The following VAV2 variants were observed in gnomAD, a reference collection of about 807,000 sequenced individuals.
VAV2 encodes vav guanine nucleotide exchange factor 2, also known as guanine nucleotide exchange factor VAV2.
Under a neutral mutation model 132.5 loss-of-function variants are expected in VAV2, and 67 were observed. The observed-to-expected ratio is 0.51, with a 90% CI of 0.42 to 0.62. The LOEUF is 0.62. Among genes scored for constraint, VAV2 ranks in the 20% least tolerant of loss-of-function variants. VAV2 has a pLI of 0.00. For missense variants in VAV2, 938 were observed against 1,153.6 expected (o/e 0.81, Z 2.71); for synonymous variants, 492 against 443.5 (o/e 1.11, Z -1.37).
At chr9:133,917,593 G>T (rs1840143824) in intron 2 of VAV2, among the ~76,000 whole-genome samples, 1 of 152,184 alleles carries the variant, frequency 6.6e-6, no homozygotes, top group South Asian at 2.1e-4. Flanking sequence ...CCATGCAGTT[G>T]GGACTTTGCC....
At chr9:133,869,074 G>A (rs1837922391) in intron 2 of VAV2, among the ~76,000 whole-genome samples, 4 of 151,304 alleles carry the variant, frequency 2.6e-5, no homozygotes, top group Admixed American at 1.3e-4. Flanking sequence ...TCCGCCCGCT[G>A]CAACCTCTGC....
Position 133,774,964 on chromosome 9 carries a change from G to A in VAV2, c.2106C>T (p.Ala702=), listed in dbSNP as rs751229895. ...SGTYLIRERP[A]EAERFAISIK... ...TGCTTATTGCAAAGCGCTCAGCCTC[G>A]GCAGGCCGCTCCCTGATCAGGTAGG... The change falls in exon 25 of 30, where the codon GCC becomes GCT. Residue 702 remains alanine, a synonymous_variant. Coordinates refer to ENST00000371850, the MANE Select transcript of VAV2 (RefSeq NM_001134398.2). 7.3e-5 allele frequency: 117 copies of A among 1,613,206 alleles called. 1 individual carries two copies. The highest frequency in any genetic ancestry group is 1.7e-4 in the Admixed American group (10 of 59,978).
Position 133,867,857 on chromosome 9 carries a change from C to T in VAV2, c.322-6425G>A, listed in dbSNP as rs115553037. On this transcript the variant is annotated intron_variant, in intron 2 of 29. Transcript: ENST00000371850. ...CAGTGTGGGGCGGTCCACCTGGCGCCGGCTCAGCTGAGTGCTGGGCTCACA... is the reference window on the plus strand; with the variant it reads ...CAGTGTGGGGCGGTCCACCTGGCGCTGGCTCAGCTGAGTGCTGGGCTCACA... 6.2e-3 allele frequency among the ~76,000 whole-genome samples: 939 copies of T among 152,330 alleles called. 10 individuals are homozygous for T. Among genetic ancestry groups the T allele is most frequent in the African/African-American group, 0.021 (892 of 41,580 alleles).
At chr9:133,808,096 C>T (rs1321301029) in intron 7 of VAV2, among the ~76,000 whole-genome samples, 1 of 152,262 alleles carries the variant, frequency 6.6e-6, no homozygotes, top group East Asian at 1.9e-4. Flanking sequence ...CTCCTGCTTT[C>T]TGCAGCAGCA....
intron 1 of VAV2, among the ~76,000 whole-genome samples, chr9:133,977,801 G>A (rs919053769): frequency 5.3e-5 from 8 of 152,350 alleles, no homozygotes; most frequent in East Asian, 1.9e-4. Context: ...CTCAAAACTC[G>A]GGGGAGCAGC....
chr9:133,843,162 G>A (rs893823974), intron 3 of VAV2, among the ~76,000 whole-genome samples: 5 of 152,256 alleles, frequency 3.3e-5, no homozygotes, highest in Admixed American at 6.5e-5. Context: ...CACCCGGCTC[G>A]GGGATGGCAG....
chr9:133,898,406 T>C (rs1016691986), intron 2 of VAV2, among the ~76,000 whole-genome samples: 1 of 150,790 alleles, frequency 6.6e-6, no homozygotes, highest in Non-Finnish European at 1.5e-5. Flanking sequence ...CTGGCCAACA[T>C]GGCAAAACCT....
chr9:133,768,756 C>A lies in VAV2; in HGVS notation c.2435-160G>T, dbSNP rs563193995. Among the ~76,000 whole-genome samples the A allele has an allele frequency of 1.3e-5, 2 of 152,150 alleles. No individual in the cohort carries two copies. The highest frequency in any genetic ancestry group is 4.1e-4 in the South Asian group (2 of 4,822). On this transcript the variant is annotated intron_variant, in intron 28 of 29. Transcript: ENST00000371850. This position sits in a 1 kb window ranked among gnomAD's most constrained non-coding sequence, Gnocchi z 5.3. ...AGCAGAAAGGCTCTGGAGGGACACACTGGCCTCCAATCCCAGGGCCCCTTG... is the reference window on the plus strand; with the variant it reads ...AGCAGAAAGGCTCTGGAGGGACACAATGGCCTCCAATCCCAGGGCCCCTTG...
chr9:133,928,620 C>T lies in VAV2; in HGVS notation c.321+10483G>A, dbSNP rs1270593318. On this transcript the variant is annotated intron_variant, in intron 2 of 29. Transcript: ENST00000371850. This position sits in a 1 kb window ranked among gnomAD's most constrained non-coding sequence, Gnocchi z 5.4. ...CACTCAGCAAATTAATGAACAAATA[C>T]GAAGAGGAAATGAACAAACACATGC... 6.6e-5 allele frequency among the ~76,000 whole-genome samples: 10 copies of T among 152,142 alleles called. No individual in the cohort carries two copies. Among genetic ancestry groups the T allele is most frequent in the South Asian group, 2.1e-4 (1 of 4,828 alleles).
intron 2 of VAV2, among the ~76,000 whole-genome samples, chr9:133,880,158 T>C (rs865803109): frequency 6.6e-6 from 1 of 152,162 alleles, no homozygotes; most frequent in African/African-American, 2.4e-5. Flanking sequence ...TAGGCATCCC[T>C]CCACCAGCCC....
chr9:133,839,402 G>A (rs1385899451), intron 3 of VAV2, among the ~76,000 whole-genome samples: 1 of 152,056 alleles, frequency 6.6e-6, no homozygotes, highest in Non-Finnish European at 1.5e-5. Flanking sequence ...GATATTCTCA[G>A]GCTGCTCTTA....
chr9:133,991,287 T>C lies in VAV2; in HGVS notation c.204+788A>G, dbSNP rs911659355. 6.6e-6 allele frequency among the ~76,000 whole-genome samples: 1 copy of C among 151,996 alleles called. No homozygotes were observed. Among genetic ancestry groups the C allele is most frequent in the Non-Finnish European group, 1.5e-5 (1 of 68,014 alleles). On this transcript the variant is annotated intron_variant, in intron 1 of 29. Coordinates refer to ENST00000371850, the MANE Select transcript of VAV2 (RefSeq NM_001134398.2). This position sits in a 1 kb window ranked among gnomAD's most constrained non-coding sequence, Gnocchi z 4.8. ...TCTCTCAAGTCTTAGCCAAGTTCCC[T>C]CTTAAGAGGCCAAGAAAAGCAGCTT...
At chr9:133,967,047 A>AAC (rs1406883911) in intron 1 of VAV2, among the ~76,000 whole-genome samples, 1 of 141,944 alleles carries the variant, frequency 7.0e-6, no homozygotes, top group Non-Finnish European at 1.5e-5. Context: ...AAAAAAAAAA[A>AAC]AAAAGCAAAT....
At chr9:133,950,171 C>T (rs1203807855) in intron 1 of VAV2, among the ~76,000 whole-genome samples, 1 of 152,226 alleles carries the variant, frequency 6.6e-6, no homozygotes, top group Non-Finnish European at 1.5e-5. Flanking sequence ...GCAGGCAGGG[C>T]CAGGCCAAGC....
intron 1 of VAV2, among the ~76,000 whole-genome samples, chr9:133,987,334 G>A (rs1842887356): frequency 6.6e-6 from 1 of 152,232 alleles, no homozygotes. Context: ...GAGGTTCAAA[G>A]CGCGTGGAGG....
At chr9:133,881,719 ATAATT>A (rs886245812) in intron 2 of VAV2, among the ~76,000 whole-genome samples, 1 of 152,230 alleles carries the variant, frequency 6.6e-6, no homozygotes, top group Non-Finnish European at 1.5e-5. Context: ...TACCAAATGT[ATAATT>A]TAATATTCTA....
intron 2 of VAV2, among the ~76,000 whole-genome samples, chr9:133,877,844 C>T (rs1162074135): frequency 6.6e-6 from 1 of 151,068 alleles, no homozygotes; most frequent in Non-Finnish European, 1.5e-5. Flanking sequence ...AATAACTTTC[C>T]AGTGTCTACC....
chr9:133,771,286 A>G (rs548233661), intron 26 of VAV2, among the ~76,000 whole-genome samples: 328 of 151,522 alleles, frequency 2.2e-3, no homozygotes, highest in Middle Eastern at 0.014. Context: ...CTGGTCTCGA[A>G]CTCCTGACCT....
chr9:133,858,148 G>A (rs55646136), intron 3 of VAV2, among the ~76,000 whole-genome samples: 21,050 of 152,242 alleles, frequency 0.14, 1,713 homozygotes, highest in African/African-American at 0.22. Context: ...CTGCCAGATA[G>A]GCCCTCCGGA....
Sources: allele counts gnomAD v4.1 joint callset (sites outside exome capture counted in the v4.1 genomes callset), GRCh38; gene constraint gnomAD v4.1.1; non-coding constraint Gnocchi (gnomAD v3.1); transcripts MANE v1.5; gene names NCBI Gene and HGNC (gene_info 2026-07-23, HGNC 2026-07-21).